MACROD2: variants seen among roughly 807,000 people sequenced by gnomAD.
MACROD2 encodes the protein ADP-ribose glycohydrolase MACROD2.
A neutral mutation model predicts 70.4 loss-of-function variants in MACROD2; 36 were observed. The observed-to-expected ratio is 0.51, with a 90% CI of 0.39 to 0.68. The LOEUF (loss-of-function observed/expected upper bound fraction) is 0.68. Ranked by LOEUF, MACROD2 falls within the 30% of genes least tolerant of loss-of-function variation. MACROD2 has a pLI of 0.00. For missense variants in MACROD2, 496 were observed against 538.4 expected (o/e 0.92, Z 0.78); for synonymous variants, 172 against 178.8 (o/e 0.96, Z 0.30).
chr20:15,946,146 T>C (rs2065819626), intron 12 of MACROD2, among the ~76,000 whole-genome samples: 1 of 152,192 alleles, frequency 6.6e-6, no homozygotes, highest in Admixed American at 6.5e-5. Context: ...CCTTTTGTGC[T>C]TCCTTAGACC....
chr20:14,009,095 A>G (rs2052862304), intron 2 of MACROD2, among the ~76,000 whole-genome samples: 1 of 152,234 alleles, frequency 6.6e-6, no homozygotes, highest in Admixed American at 6.5e-5. Context: ...AAACAATTGC[A>G]ACAAAAGCAA....
At chr20:15,768,228 C>T (rs893477815) in intron 8 of MACROD2, among the ~76,000 whole-genome samples, 1 of 151,972 alleles carries the variant, frequency 6.6e-6, no homozygotes, top group African/African-American at 2.4e-5. Context: ...CATCATTGCA[C>T]AAACATCATA....
At chr20:15,858,312 G>T (rs563962818) in intron 8 of MACROD2, among the ~76,000 whole-genome samples, 1 of 152,022 alleles carries the variant, frequency 6.6e-6, no homozygotes, top group African/African-American at 2.4e-5. Flanking sequence ...ATGCTCCTGG[G>T]CCTCAATAGC....
At chr20:15,765,988 G>T (rs2051518431) in intron 8 of MACROD2, among the ~76,000 whole-genome samples, 1 of 152,084 alleles carries the variant, frequency 6.6e-6, no homozygotes, top group Non-Finnish European at 1.5e-5. Flanking sequence ...CTAACTCAGG[G>T]ATGTGAGAAG....
chr20:14,085,842 C>G, intron 3 of MACROD2, 114 bp downstream of exon 3: 1 of 553,054 alleles, frequency 1.8e-6, no homozygotes, highest in East Asian at 3.2e-5. Flanking sequence ...GTAGAAATGT[C>G]TATTCTGTTT....
chr20:15,340,903 G>C (rs2078104223), intron 6 of MACROD2, among the ~76,000 whole-genome samples: 1 of 151,946 alleles, frequency 6.6e-6, no homozygotes, highest in Non-Finnish European at 1.5e-5. Context: ...TGCCCAGGCT[G>C]GTCTCAAACT....
chr20:14,842,184 C>T (rs1292339712), intron 5 of MACROD2, among the ~76,000 whole-genome samples: 1 of 152,038 alleles, frequency 6.6e-6, no homozygotes, highest in Non-Finnish European at 1.5e-5. Context: ...GGCCTAACTC[C>T]CTTCTTTTAT....
At chr20:14,524,850 G>A (rs554694326) in intron 4 of MACROD2, among the ~76,000 whole-genome samples, 34 of 152,174 alleles carry the variant, frequency 2.2e-4, no homozygotes, top group Admixed American at 1.2e-3. Flanking sequence ...AGAGCCCCTT[G>A]CCCTGCTTCC....
At chr20:15,826,426 C>T (rs531185152) in intron 8 of MACROD2, among the ~76,000 whole-genome samples, 43 of 152,282 alleles carry the variant, frequency 2.8e-4, no homozygotes, top group Non-Finnish European at 5.1e-4. Flanking sequence ...TTTAGAAGTT[C>T]TTTAATGCAG....
intron 4 of MACROD2, among the ~76,000 whole-genome samples, chr20:14,669,537 G>C (rs1333631735): frequency 6.6e-6 from 1 of 152,148 alleles, no homozygotes; most frequent in Non-Finnish European, 1.5e-5. Context: ...TAGGAGAAGA[G>C]ATTCTATAAC....
At chr20:15,311,222 G>C (rs181381426) in intron 6 of MACROD2, among the ~76,000 whole-genome samples, 220 of 152,034 alleles carry the variant, frequency 1.4e-3, no homozygotes, top group African/African-American at 5.1e-3. Context: ...GAAAAAAAAG[G>C]CATAATTTTT....
intron 7 of MACROD2, among the ~76,000 whole-genome samples, chr20:15,494,181 T>C (rs1730114565): frequency 1.3e-5 from 2 of 152,210 alleles, no homozygotes; most frequent in African/African-American, 4.8e-5. Context: ...GCTAAATAAA[T>C]AGATCAGCAG....
chr20:14,573,572 G>T (rs927945874), intron 4 of MACROD2, among the ~76,000 whole-genome samples: 7 of 100,210 alleles, frequency 7.0e-5, no homozygotes, highest in East Asian at 5.5e-4. Flanking sequence ...TTAGAGAAAA[G>T]ATATTATTTT....
intron 5 of MACROD2, among the ~76,000 whole-genome samples, chr20:14,760,108 A>G (rs948405904): frequency 5.3e-5 from 8 of 152,086 alleles, no homozygotes; most frequent in Non-Finnish European, 7.4e-5. Flanking sequence ...TCATGAGGGT[A>G]GAGAGGATTC....
chr20:14,886,969 ATGATCATACACTTCTC>A (rs2073685006), intron 5 of MACROD2, among the ~76,000 whole-genome samples: 1 of 152,180 alleles, frequency 6.6e-6, no homozygotes, highest in East Asian at 1.9e-4. Flanking sequence ...GGACCACAAG[ATGATCATACACTTCTC>A]TGAAAATAAA....
intron 15 of MACROD2, among the ~76,000 whole-genome samples, chr20:16,020,509 T>C (rs1197325217): frequency 1.3e-5 from 2 of 151,386 alleles, no homozygotes; most frequent in Admixed American, 6.6e-5. Flanking sequence ...CTGTTTCTTA[T>C]ATATAGTTGC....
intron 5 of MACROD2, among the ~76,000 whole-genome samples, chr20:15,014,036 A>G (rs2075103136): frequency 1.3e-5 from 2 of 152,222 alleles, no homozygotes; most frequent in Admixed American, 1.3e-4. Context: ...GCAGTTCACT[A>G]TTCAACAAAT....
At chr20:15,922,837 G>A (rs747995897) in intron 10 of MACROD2, among the ~76,000 whole-genome samples, 11 of 152,238 alleles carry the variant, frequency 7.2e-5, no homozygotes, top group Non-Finnish European at 1.5e-4. Context: ...CTGGTGCAAT[G>A]TCCAGAACAG....
intron 4 of MACROD2, among the ~76,000 whole-genome samples, chr20:14,540,125 A>G (rs1211191555): frequency 1.3e-5 from 2 of 152,238 alleles, no homozygotes; most frequent in East Asian, 1.9e-4. Flanking sequence ...TAACATAGCC[A>G]TCATTTTATA....
Sources: allele counts gnomAD v4.1 joint callset (sites outside exome capture counted in the v4.1 genomes callset), GRCh38; gene constraint gnomAD v4.1.1; transcripts MANE v1.5; gene names NCBI Gene and HGNC (gene_info 2026-07-23, HGNC 2026-07-21).